The following SLC26A4 variants were observed in gnomAD, a reference collection of about 807,000 sequenced individuals.
The protein encoded by SLC26A4 is pendrin.
SLC26A4 carries 93 observed loss-of-function variants against 90.4 expected under a neutral mutation model. That is an observed-to-expected ratio of 1.03 (90% CI 0.87 to 1.22). SLC26A4 has a LOEUF of 1.22. Ranked by LOEUF, SLC26A4 falls within the 50% of genes most tolerant of loss-of-function variation. The pLI, the probability that SLC26A4 is intolerant of heterozygous loss-of-function variation, is 0.00. For missense variants in SLC26A4, 1,127 were observed against 946.2 expected, an observed-to-expected ratio of 1.19 and a Z score of -2.51; for synonymous variants, 393 against 354.6, an observed-to-expected ratio of 1.11 and a Z score of -1.22.
chr7:107,664,743 G>A (rs1790663330), intron 3 of SLC26A4, among the ~76,000 whole-genome samples: 1 of 152,118 alleles, frequency 6.6e-6, no homozygotes, highest in Admixed American at 6.5e-5. Context: ...ATTCCCATAA[G>A]CATCTTAGAA....
chr7:107,690,235 C>G lies in SLC26A4; in HGVS notation c.1261C>G (p.Gln421Glu), dbSNP rs781731620. 1 of 1,550,174 alleles carries G rather than the reference C, an allele frequency of 6.5e-7. No individual in the cohort carries two copies. The highest frequency in any genetic ancestry group is 1.4e-5 in the African/African-American group (1 of 73,650). Residue 421 changes from glutamine to glutamate, a missense_variant and splice_region_variant, in exon 10 of 21, where the codon CAG becomes GAG. Gln to Glu is a conservative substitution (Grantham distance 29, BLOSUM62 2). Transcript: ENST00000644269. Reference protein sequence around the residue: ...AVQESTGGKTQVAGIISAAIV... With the variant: ...AVQESTGGKTEVAGIISAAIV... ...CCAGGAGAGCACTGGAGGAAAGACA[C>G]AGGTAGGAACAACAGCCTTATGATA...
At chr7:107,680,214 TTATAA>T (rs1301956535) in intron 6 of SLC26A4, among the ~76,000 whole-genome samples, 2 of 123,410 alleles carry the variant, frequency 1.6e-5, no homozygotes, top group Admixed American at 1.7e-4. Context: ...TAATATAATC[TTATAA>T]TATAATCTTA....
rs141109874 is a variant in SLC26A4, at chr7:107,705,825, C to T, written c.2089+1440C>T. Among the ~76,000 whole-genome samples, 660 of 152,324 alleles carry T rather than the reference C, an allele frequency of 4.3e-3. 3 individuals are homozygous for T. The highest frequency in any genetic ancestry group is 0.015 in the African/African-American group (616 of 41,580). On this transcript the variant is annotated intron_variant, in intron 18 of 20. Coordinates refer to ENST00000644269, the MANE Select transcript of SLC26A4 (RefSeq NM_000441.2). ...GGAGCTGTCTACAGCATGAAGTTGACAACTTCTTGTTTTGGTTTGTAGTTT... is the reference window on the plus strand; with the variant it reads ...GGAGCTGTCTACAGCATGAAGTTGATAACTTCTTGTTTTGGTTTGTAGTTT...
At chr7:107,707,959 G>C (rs1398417695) in intron 18 of SLC26A4, among the ~76,000 whole-genome samples, 1 of 152,120 alleles carries the variant, frequency 6.6e-6, no homozygotes, top group African/African-American at 2.4e-5. Context: ...TAAAACCAAA[G>C]TGAAAAAAGA....
chr7:107,691,508 T>TACACACAC (rs1562833956), intron 10 of SLC26A4, among the ~76,000 whole-genome samples: 2 of 54,076 alleles, frequency 3.7e-5, no homozygotes, highest in South Asian at 8.1e-4. Flanking sequence ...GTGTCAAATA[T>TACACACAC]ATATATACAC....
At chr7:107,684,878 A>G (rs938179346) in intron 8 of SLC26A4, among the ~76,000 whole-genome samples, 3 of 152,154 alleles carry the variant, frequency 2.0e-5, no homozygotes, top group Admixed American at 6.5e-5. Context: ...AGGATGTATC[A>G]AGTTATAGGT....
intron 3 of SLC26A4, among the ~76,000 whole-genome samples, chr7:107,671,225 C>T (rs912315783): frequency 6.6e-5 from 10 of 152,110 alleles, no homozygotes; most frequent in East Asian, 1.9e-4. Context: ...TGCAGTGGCA[C>T]GATCATAGCT....
intron 8 of SLC26A4, among the ~76,000 whole-genome samples, chr7:107,686,549 A>G (rs915726180): frequency 2.7e-5 from 4 of 150,610 alleles, no homozygotes; most frequent in Admixed American, 6.6e-5. Flanking sequence ...ATGCAGTGGC[A>G]TGATCTCGGC....
At chr7:107,682,104 TA>T (rs1169027377) in intron 6 of SLC26A4, among the ~76,000 whole-genome samples, 2,231 of 33,160 alleles carry the variant, frequency 0.067, 67 homozygotes, top group African/African-American at 0.19. Flanking sequence ...GCAAGAGAGC[TA>T]AAAAAAAAAA....
At chr7:107,711,746 C>T (rs958089165) in intron 19 of SLC26A4, among the ~76,000 whole-genome samples, 4 of 152,092 alleles carry the variant, frequency 2.6e-5, no homozygotes, top group Admixed American at 6.5e-5. Context: ...TCTTCCTATC[C>T]CTTTATTTTA....
At chr7:107,687,702 A>C (rs1464062842) in intron 8 of SLC26A4, among the ~76,000 whole-genome samples, 2 of 152,230 alleles carry the variant, frequency 1.3e-5, no homozygotes, top group African/African-American at 2.4e-5. Context: ...GGCAAAGTGC[A>C]TTAGGCTGCT....
At chr7:107,672,361 A>G (rs2129311328) in intron 4 of SLC26A4, 113 bp downstream of exon 4, 1 of 279,128 alleles carries the variant, frequency 3.6e-6, no homozygotes, top group East Asian at 9.3e-5. Context: ...GGTTTTCACA[A>G]TTATACTTTT....
intron 8 of SLC26A4, among the ~76,000 whole-genome samples, chr7:107,688,505 T>C (rs541787131): frequency 6.6e-6 from 1 of 152,330 alleles, no homozygotes; most frequent in South Asian, 2.1e-4. Flanking sequence ...TTTTAGTCAC[T>C]ATGGAGCGTT....
At chr7:107,695,881 A>C in intron 12 of SLC26A4, 52 bp from the exon 13 acceptor site, 18 of 887,306 alleles carry the variant, frequency 2.0e-5, no homozygotes, top group Non-Finnish European at 3.3e-5. Context: ...TTATCACATG[A>C]TGGTACCTGA....
chr7:107,684,073 C>T (rs1420454553), intron 8 of SLC26A4, among the ~76,000 whole-genome samples: 1 of 152,124 alleles, frequency 6.6e-6, no homozygotes, highest in Non-Finnish European at 1.5e-5. Context: ...CTGTCACCTT[C>T]CAGTTTTGTG....
rs1791690086 is a variant in SLC26A4, at chr7:107,694,707, G to T, written c.1428G>T (p.Lys476Asn). 1 of 1,605,870 alleles carries T rather than the reference G, an allele frequency of 6.2e-7. No homozygotes were observed. The highest frequency in any genetic ancestry group is 1.3e-5 in the African/African-American group (1 of 74,900). ...TTCCTCGTCTGTGGAGACAGAATAA[G>T]ATTGATGCTGTAAGTCACCTACCAC... ...CDIPRLWRQN[K>N]IDAVIWVFTC... Residue 476 changes from lysine to asparagine, a missense_variant, in exon 12 of 21, where the codon AAG becomes AAT. Coordinates refer to ENST00000644269, the MANE Select transcript of SLC26A4 (RefSeq NM_000441.2).
intron 3 of SLC26A4, among the ~76,000 whole-genome samples, chr7:107,669,429 G>A (rs1398503881): frequency 6.6e-6 from 1 of 152,174 alleles, no homozygotes; most frequent in African/African-American, 2.4e-5. Flanking sequence ...CCAGTTTGGG[G>A]AAATGGAAGT....
chr7:107,673,265 G>A (rs888712897), intron 4 of SLC26A4, among the ~76,000 whole-genome samples: 1 of 151,692 alleles, frequency 6.6e-6, no homozygotes, highest in Non-Finnish European at 1.5e-5. Context: ...TAACAGTAGT[G>A]AACGGAGCAA....
chr7:107,711,396 G>T (rs1046211016), intron 19 of SLC26A4, among the ~76,000 whole-genome samples: 24 of 152,008 alleles, frequency 1.6e-4, no homozygotes, highest in African/African-American at 5.8e-4. Context: ...AAGATTTTAG[G>T]CTATGAATGT....
Sources: gnomAD v4.1 joint callset for allele counts (sites outside exome capture counted in the v4.1 genomes callset) on GRCh38, gnomAD v4.1.1 for gene constraint, MANE v1.5 for transcripts, NCBI Gene and HGNC (gene_info 2026-07-23, HGNC 2026-07-21) for gene names.